Variants in CSMD1 observed in about 807,000 individuals in gnomAD.
CSMD1 encodes the protein CUB and Sushi multiple domains 1.
A neutral mutation model predicts 417.5 loss-of-function variants in CSMD1; 213 were observed. That is an observed-to-expected ratio of 0.51 (90% CI 0.46 to 0.57). CSMD1 has a LOEUF of 0.57. CSMD1 is among the 20% of genes least tolerant of loss of function. The pLI is 0.00. For synonymous variants in CSMD1, 2,862 were observed against 1,736.8 expected (o/e 1.65, Z -16.11); for missense variants, 6,923 against 4,529.7 (o/e 1.53, Z -15.17).
intron 1 of CSMD1, among the ~76,000 whole-genome samples, chr8:4,752,503 G>T (rs1178798696): frequency 6.6e-6 from 1 of 152,096 alleles, no homozygotes; most frequent in Non-Finnish European, 1.5e-5. Context: ...GGTTATAAGG[G>T]CTAAAACGTG....
intron 5 of CSMD1, among the ~76,000 whole-genome samples, chr8:3,986,572 T>A (rs1398545375): frequency 6.6e-6 from 1 of 152,146 alleles, no homozygotes; most frequent in Non-Finnish European, 1.5e-5. Flanking sequence ...TCTTAATCTT[T>A]CAACTTTCTA....
chr8:3,478,481 A>C (rs1208732729), intron 11 of CSMD1, among the ~76,000 whole-genome samples: 1 of 152,158 alleles, frequency 6.6e-6, no homozygotes, highest in African/African-American at 2.4e-5. Context: ...TGATAATGGC[A>C]CAAGAAGCTA....
At chr8:3,846,986 T>G (rs1301532418) in intron 5 of CSMD1, among the ~76,000 whole-genome samples, 1 of 152,186 alleles carries the variant, frequency 6.6e-6, no homozygotes, top group African/African-American at 2.4e-5. Context: ...CAGGATTTAC[T>G]TTTTAAATAT....
intron 1 of CSMD1, among the ~76,000 whole-genome samples, chr8:4,944,040 T>C (rs752474777): frequency 6.6e-6 from 1 of 152,036 alleles, no homozygotes; most frequent in South Asian, 2.1e-4. Context: ...AGCTGGAAAG[T>C]CTGGGGAAAG....
intron 10 of CSMD1, among the ~76,000 whole-genome samples, chr8:3,525,167 T>C (rs1198258603): frequency 1.3e-5 from 2 of 152,180 alleles, no homozygotes; most frequent in African/African-American, 4.8e-5. Context: ...TAGGGTCTTC[T>C]TGTCTGTGTT....
chr8:4,011,035 G>A lies in CSMD1; in HGVS notation c.611-12925C>T, dbSNP rs193028755. Among the ~76,000 whole-genome samples the A allele has an allele frequency of 2.5e-3, 379 of 152,250 alleles. 2 individuals are homozygous for A. The highest frequency in any genetic ancestry group is 8.8e-3 in the African/African-American group (367 of 41,518). ...TTCATGCCTTCTTCCTTCTAAAGCTGCCAGCATCTCTTGCCAAATCCTCAC... is the reference window on the plus strand; with the variant it reads ...TTCATGCCTTCTTCCTTCTAAAGCTACCAGCATCTCTTGCCAAATCCTCAC... On this transcript the variant is annotated intron_variant, in intron 4 of 69. Transcript: ENST00000635120.
At chr8:4,403,532 T>G (rs1804800105) in intron 3 of CSMD1, among the ~76,000 whole-genome samples, 1 of 152,140 alleles carries the variant, frequency 6.6e-6, no homozygotes, top group Admixed American at 6.5e-5. Context: ...CTTAGTATCA[T>G]TCGCCAGGGC....
intron 5 of CSMD1, among the ~76,000 whole-genome samples, chr8:3,891,532 A>G (rs1201265769): frequency 6.6e-6 from 1 of 152,052 alleles, no homozygotes; most frequent in East Asian, 1.9e-4. Flanking sequence ...CACACACAAA[A>G]AAAAGCCAAT....
chr8:4,262,681 C>G (rs1401143177), intron 3 of CSMD1, among the ~76,000 whole-genome samples: 1 of 152,122 alleles, frequency 6.6e-6, no homozygotes, highest in African/African-American at 2.4e-5. Flanking sequence ...CCAGGACCCT[C>G]AGCCTCCAGC....
intron 2 of CSMD1, among the ~76,000 whole-genome samples, chr8:4,587,105 A>G (rs1799739611): frequency 2.0e-5 from 3 of 152,184 alleles, no homozygotes; most frequent in African/African-American, 7.2e-5. Flanking sequence ...TATCCTACAG[A>G]GGCCAATAGA....
intron 2 of CSMD1, among the ~76,000 whole-genome samples, chr8:4,455,986 A>T (rs1474064485): frequency 6.9e-6 from 1 of 145,874 alleles, no homozygotes; most frequent in Non-Finnish European, 1.5e-5. Flanking sequence ...ATTAGAAGAC[A>T]AACAATAAAT....
intron 3 of CSMD1, among the ~76,000 whole-genome samples, chr8:4,207,574 A>T (rs1489964970): frequency 6.6e-6 from 1 of 152,180 alleles, no homozygotes; most frequent in Non-Finnish European, 1.5e-5. Context: ...AAAATGAATG[A>T]AACTGAAATA....
intron 6 of CSMD1, among the ~76,000 whole-genome samples, chr8:3,733,949 G>C (rs1796396519): frequency 6.6e-6 from 1 of 152,014 alleles, no homozygotes. Context: ...CATCCACTGG[G>C]GTCCTGAAAC....
At chr8:4,105,784 A>G (rs888577576) in intron 3 of CSMD1, among the ~76,000 whole-genome samples, 2 of 152,234 alleles carry the variant, frequency 1.3e-5, no homozygotes, top group Admixed American at 6.5e-5. Context: ...GCTCCTCTAC[A>G]GCGTTGAAAA....
chr8:4,565,781 TATATATATATATATATGTATAC>T (rs1798576834), intron 2 of CSMD1, among the ~76,000 whole-genome samples: 1 of 128,066 alleles, frequency 7.8e-6, no homozygotes, highest in African/African-American at 2.9e-5. Context: ...TATATATATA[TATATATATATATATATGTATAC>T]ATATATATAT....
At chr8:4,684,261 G>A (rs1177992469) in intron 1 of CSMD1, among the ~76,000 whole-genome samples, 1 of 152,198 alleles carries the variant, frequency 6.6e-6, no homozygotes, top group South Asian at 2.1e-4. Context: ...CAATAAGTGT[G>A]CATTGATTTT....
intron 5 of CSMD1, among the ~76,000 whole-genome samples, chr8:3,796,431 T>C (rs1428536038): frequency 8.6e-6 from 1 of 116,438 alleles, no homozygotes; most frequent in Non-Finnish European, 1.9e-5. Flanking sequence ...TGTATAGATA[T>C]ATATATCTAT....
intron 1 of CSMD1, among the ~76,000 whole-genome samples, chr8:4,813,278 A>C (rs556131648): frequency 8.0e-4 from 122 of 152,310 alleles, no homozygotes; most frequent in African/African-American, 2.8e-3. Flanking sequence ...CTTTCTGTTA[A>C]AAAATAAACA....
chr8:3,166,614 T>C (rs1282465886), intron 37 of CSMD1, among the ~76,000 whole-genome samples: 1 of 152,152 alleles, frequency 6.6e-6, no homozygotes, highest in Admixed American at 6.5e-5. Flanking sequence ...GAACGATGTT[T>C]GCATTGATTG....
Sources: gnomAD v4.1 joint callset for allele counts (sites outside exome capture counted in the v4.1 genomes callset) on GRCh38, gnomAD v4.1.1 for gene constraint, MANE v1.5 for transcripts, NCBI Gene and HGNC (gene_info 2026-07-23, HGNC 2026-07-21) for gene names.